Variants in SNAP25 observed in about 807,000 individuals in gnomAD.
The protein encoded by SNAP25 is synaptosomal-associated protein 25.
In SNAP25, 3 loss-of-function variants were observed where a neutral mutation model predicts 28.7. The observed-to-expected ratio is 0.10, with a 90% CI of 0.05 to 0.27. The LOEUF (loss-of-function observed/expected upper bound fraction) is 0.27. Ranked by LOEUF, SNAP25 falls within the 10% of genes least tolerant of loss-of-function variation. The probability of loss-of-function intolerance (pLI) is 1.00; values close to 1 mark genes in which losing one functional copy is unlikely to be tolerated. For missense variants in SNAP25, 117 were observed against 278.7 expected, an observed-to-expected ratio of 0.42 and a Z score of 4.13; for synonymous variants, 61 against 88.1, an observed-to-expected ratio of 0.69 and a Z score of 1.72.
At chr20:10,229,514 G>T (rs2122651862) in intron 1 of SNAP25, among the ~76,000 whole-genome samples, 1 of 152,248 alleles carries the variant, frequency 6.6e-6, no homozygotes, top group East Asian at 1.9e-4. Flanking sequence ...TTCACAGAAT[G>T]ATTTTTCTTT....
chr20:10,219,621 C>G (rs1360618891), intron 1 of SNAP25: 2 of 152,204 alleles, frequency 1.3e-5, no homozygotes, highest in Admixed American at 6.5e-5. Context: ...GCGGCCCGCG[C>G]TCAGCACCCT....
At chr20:10,264,074 G>A (rs1219959963) in intron 1 of SNAP25, among the ~76,000 whole-genome samples, 2 of 152,108 alleles carry the variant, frequency 1.3e-5, no homozygotes, top group Non-Finnish European at 2.9e-5. Context: ...GAGAGATTTA[G>A]GCATAATCAG....
chr20:10,264,684 C>T (rs2063476607), intron 1 of SNAP25, among the ~76,000 whole-genome samples: 1 of 152,128 alleles, frequency 6.6e-6, no homozygotes, highest in Non-Finnish European at 1.5e-5. Flanking sequence ...TAAGGTTACC[C>T]TTATGGGAAA....
chr20:10,221,410 A>C (rs981241415), intron 1 of SNAP25, among the ~76,000 whole-genome samples: 2 of 152,174 alleles, frequency 1.3e-5, no homozygotes, highest in Non-Finnish European at 2.9e-5. Context: ...TATATCATTG[A>C]CAAGCTTCCA....
intron 7 of SNAP25, among the ~76,000 whole-genome samples, chr20:10,304,717 G>T (rs976335059): frequency 1.3e-5 from 2 of 152,092 alleles, no homozygotes; most frequent in African/African-American, 2.4e-5. Context: ...ATCACTGGTG[G>T]CACTTTGTAT....
chr20:10,267,393 G>T (rs2122942135), intron 1 of SNAP25, among the ~76,000 whole-genome samples: 1 of 152,248 alleles, frequency 6.6e-6, no homozygotes, highest in Admixed American at 6.5e-5. Context: ...TAAAGGTGAG[G>T]GTGGGAGGTG....
At chr20:10,304,893 G>A (rs2064320081) in intron 7 of SNAP25, among the ~76,000 whole-genome samples, 2 of 152,114 alleles carry the variant, frequency 1.3e-5, no homozygotes, top group Non-Finnish European at 2.9e-5. Flanking sequence ...CAACACTTGA[G>A]TTCACCACAA....
intron 1 of SNAP25, among the ~76,000 whole-genome samples, chr20:10,226,068 T>G (rs1053645441): frequency 6.6e-6 from 1 of 152,192 alleles, no homozygotes; most frequent in African/African-American, 2.4e-5. Flanking sequence ...TATGTTCATC[T>G]TTGGTACAGT....
intron 5 of SNAP25, among the ~76,000 whole-genome samples, chr20:10,294,739 A>G (rs1293848860): frequency 6.6e-6 from 1 of 152,002 alleles, no homozygotes; most frequent in Non-Finnish European, 1.5e-5. Flanking sequence ...CCATGAAACA[A>G]AACTTTCCTC....
chr20:10,242,683 G>C (rs992344530), intron 1 of SNAP25, among the ~76,000 whole-genome samples: 5 of 152,196 alleles, frequency 3.3e-5, no homozygotes, highest in Non-Finnish European at 5.9e-5. Context: ...CCTGTTACAG[G>C]AGGAACCTCT....
chr20:10,291,424 C>T (rs1435832033), intron 4 of SNAP25, among the ~76,000 whole-genome samples: 6 of 151,938 alleles, frequency 3.9e-5, no homozygotes, highest in Admixed American at 1.3e-4. Flanking sequence ...TGTATTTATT[C>T]GGCAAAAGTT....
intron 1 of SNAP25, among the ~76,000 whole-genome samples, chr20:10,254,392 CCT>C (rs1267890815): frequency 6.6e-6 from 1 of 152,162 alleles, no homozygotes; most frequent in Admixed American, 6.5e-5. Flanking sequence ...GGCTTCTTCC[CCT>C]TTCTTGACCT....
chr20:10,276,860 G>T (rs1016020306), intron 2 of SNAP25, among the ~76,000 whole-genome samples: 3 of 152,194 alleles, frequency 2.0e-5, no homozygotes, highest in African/African-American at 7.2e-5. Flanking sequence ...CAGAGAGCCG[G>T]TAGTTAAACC....
At chr20:10,294,406 C>G (rs966928931) in intron 5 of SNAP25, among the ~76,000 whole-genome samples, 26 of 152,134 alleles carry the variant, frequency 1.7e-4, no homozygotes, top group Non-Finnish European at 3.7e-4. Context: ...GCCTGATTAA[C>G]TGGAATCTAG....
intron 4 of SNAP25, chr20:10,292,831 G>T: frequency 1.8e-6 from 2 of 1,141,176 alleles, no homozygotes; most frequent in South Asian, 1.4e-5. Flanking sequence ...ATGTTCTGTT[G>T]GAGACCCCCA....
At position 10,236,232 on chromosome 20, in the gene SNAP25, A is replaced by T. The variant is rs983282612; in HGVS notation, c.-64+17255A>T. Reference sequence around the variant, plus strand: ...TTGGAGCCCTCAAGTTTAACTTTGGATATCCTTGGTTCAAGAGGGCACCTG... The same window carrying T: ...TTGGAGCCCTCAAGTTTAACTTTGGTTATCCTTGGTTCAAGAGGGCACCTG... On this transcript the variant is annotated intron_variant, in intron 1 of 7. Coordinates refer to ENST00000254976, the MANE Select transcript of SNAP25 (RefSeq NM_130811.4). Among the ~76,000 whole-genome samples the T allele has an allele frequency of 1.3e-5, 2 of 152,120 alleles. 1 individual carries two copies. Among genetic ancestry groups the T allele is most frequent in the South Asian group, 4.2e-4 (2 of 4,812 alleles).
intron 1 of SNAP25, among the ~76,000 whole-genome samples, chr20:10,251,931 C>T (rs1209682318): frequency 6.6e-6 from 1 of 152,194 alleles, no homozygotes; most frequent in Non-Finnish European, 1.5e-5. Flanking sequence ...GGCACAAATT[C>T]TCTGTACATT....
At chr20:10,295,098 A>G (rs1460933401) in intron 5 of SNAP25, among the ~76,000 whole-genome samples, 3 of 152,226 alleles carry the variant, frequency 2.0e-5, no homozygotes, top group African/African-American at 4.8e-5. Flanking sequence ...GGTGTTCCCT[A>G]TTGTGTGTAA....
At position 10,292,440 on chromosome 20, in the gene SNAP25, C is replaced by A. The variant is rs553053405; in HGVS notation, c.164-721C>A. ...TTGTCTCCAAAGAAGAAAATGGATT[C>A]TATTTTCTACCCTTATCTGGTTGAG... On this transcript the variant is annotated intron_variant, in intron 4 of 7. Coordinates refer to ENST00000254976, the MANE Select transcript of SNAP25 (RefSeq NM_130811.4). Among the ~76,000 whole-genome samples, 47 of 152,268 alleles carry A rather than the reference C, an allele frequency of 3.1e-4. No individual in the cohort carries two copies. In the South Asian group the frequency reaches 7.9e-3, roughly 26 times the overall value.
Sources: allele counts gnomAD v4.1 joint callset (sites outside exome capture counted in the v4.1 genomes callset), GRCh38; gene constraint gnomAD v4.1.1; transcripts MANE v1.5; gene names NCBI Gene and HGNC (gene_info 2026-07-23, HGNC 2026-07-21).